RNLS: variants seen among roughly 807,000 people sequenced by gnomAD.
RNLS encodes the protein renalase, FAD dependent amine oxidase.
Under a neutral mutation model 39.8 loss-of-function variants are expected in RNLS, and 39 were observed. The ratio of observed to expected loss-of-function variants is 0.98; its 90% confidence interval spans 0.76 to 1.28. The LOEUF (loss-of-function observed/expected upper bound fraction) is 1.28, where lower values mean the gene tolerates loss of function less well. Among genes scored for constraint, RNLS ranks in the 50% most tolerant of loss-of-function variants. The pLI is 0.00. For missense variants in RNLS, 410 were observed against 413.3 expected (o/e 0.99, Z 0.07); for synonymous variants, 147 against 150.7 (o/e 0.98, Z 0.18).
chr10:88,175,282 T>G, the RNLS span, among the ~76,000 whole-genome samples: 1 of 152,086 alleles, frequency 6.6e-6, no homozygotes, highest in African/African-American at 2.4e-5. Context: ...TCCTTCTTTT[T>G]CCCAATTTGG....
chr10:88,243,950 C>T, the RNLS span, among the ~76,000 whole-genome samples: 1 of 152,206 alleles, frequency 6.6e-6, no homozygotes, highest in Non-Finnish European at 1.5e-5. Context: ...TGCGTTTGGC[C>T]TGGCCAGCTG....
intron 4 of RNLS, among the ~76,000 whole-genome samples, chr10:88,398,458 A>G (rs1434745902): frequency 6.6e-6 from 1 of 152,028 alleles, no homozygotes; most frequent in Non-Finnish European, 1.5e-5. Context: ...TTGGGTGATT[A>G]GCATTTGAAA....
intron 4 of RNLS, among the ~76,000 whole-genome samples, chr10:88,524,960 C>CAT (rs772272529): frequency 0.028 from 2,442 of 88,344 alleles, 43 homozygotes; most frequent in South Asian, 0.04. Context: ...CACACACATA[C>CAT]ATATATATAT....
chr10:88,216,205 A>T, the RNLS span, among the ~76,000 whole-genome samples: 1 of 152,196 alleles, frequency 6.6e-6, no homozygotes, highest in African/African-American at 2.4e-5. Context: ...TGCATTAATA[A>T]TAGGCTCCAA....
At chr10:88,355,280 G>A (rs541271084) in intron 5 of RNLS, among the ~76,000 whole-genome samples, 81 of 152,314 alleles carry the variant, frequency 5.3e-4, no homozygotes, top group African/African-American at 1.6e-3. Context: ...TTTGGAGGAG[G>A]AGAGGCGCTC....
chr10:88,314,597 G>T lies in RNLS; in HGVS notation c.745C>A (p.Pro249Thr). Residue 249 changes from proline (P) to threonine (T), a missense_variant, in exon 6 of 7, where the codon CCA becomes ACA. Pro to Thr is a conservative substitution (Grantham distance 38, BLOSUM62 -1). Coordinates refer to ENST00000331772, the MANE Select transcript of RNLS (RefSeq NM_001031709.3). ...TGTTCCAAGTATGTAACTCCAAATG[G>T]GACAGTGGTGTGAATCACGAGGGAA... ...GPSLVIHTTV[P>T]FGVTYLEHSI... The T allele has an allele frequency of 1.2e-6, 2 of 1,613,808 alleles. No individual in the cohort carries two copies. Among genetic ancestry groups the T allele is most frequent in the Non-Finnish European group, 1.7e-6 (2 of 1,179,816 alleles).
intron 4 of RNLS, among the ~76,000 whole-genome samples, chr10:88,522,860 G>A (rs1412600634): frequency 6.6e-6 from 1 of 152,134 alleles, no homozygotes; most frequent in African/African-American, 2.4e-5. Flanking sequence ...CTGTATCACT[G>A]TAAGCAGGAC....
chr10:88,396,485 T>G (rs190462246), intron 4 of RNLS, among the ~76,000 whole-genome samples: 8 of 151,220 alleles, frequency 5.3e-5, no homozygotes, highest in Non-Finnish European at 1.2e-4. Flanking sequence ...ATATTAGTAT[T>G]AATAATATAA....
intron 5 of RNLS, among the ~76,000 whole-genome samples, chr10:88,318,354 G>A (rs140627162): frequency 3.3e-5 from 5 of 152,318 alleles, no homozygotes; most frequent in African/African-American, 9.6e-5. Flanking sequence ...GGCACCAATC[G>A]GTGAAGGGGG....
At chr10:88,481,244 C>T (rs1343820965) in intron 4 of RNLS, among the ~76,000 whole-genome samples, 4 of 152,108 alleles carry the variant, frequency 2.6e-5, no homozygotes, top group Non-Finnish European at 4.4e-5. Context: ...TTGGTTAGAT[C>T]TTGCTTTTTA....
intron 4 of RNLS, among the ~76,000 whole-genome samples, chr10:88,403,835 G>A (rs969694322): frequency 6.6e-6 from 1 of 151,678 alleles, no homozygotes; most frequent in Non-Finnish European, 1.5e-5. Context: ...AGGAGTTTGA[G>A]ACCATCCTGG....
At chr10:88,216,826 C>T in the RNLS span, among the ~76,000 whole-genome samples, 1 of 152,222 alleles carries the variant, frequency 6.6e-6, no homozygotes, top group South Asian at 2.1e-4. Flanking sequence ...CTCCACAACT[C>T]AATGTCTTTA....
chr10:88,433,178 TAGA>T (rs1855240289), intron 4 of RNLS, among the ~76,000 whole-genome samples: 4 of 152,160 alleles, frequency 2.6e-5, no homozygotes, highest in Admixed American at 6.6e-5. Flanking sequence ...TGACTTGAGG[TAGA>T]AGGACAGAAC....
intron 5 of RNLS, among the ~76,000 whole-genome samples, chr10:88,359,333 A>T (rs1404187482): frequency 6.6e-6 from 1 of 151,522 alleles, no homozygotes; most frequent in African/African-American, 2.4e-5. Context: ...AAACAAAAAA[A>T]CTCTTACTGT....
intron 4 of RNLS, among the ~76,000 whole-genome samples, chr10:88,527,875 T>C (rs1847199006): frequency 6.7e-6 from 1 of 149,972 alleles, no homozygotes; most frequent in Admixed American, 6.6e-5. Flanking sequence ...GAAAAAAGTT[T>C]GTTATCCTCA....
At chr10:88,246,608 T>G in the RNLS span, among the ~76,000 whole-genome samples, 1,292 of 152,240 alleles carry the variant, frequency 8.5e-3, 19 homozygotes, top group African/African-American at 0.028. Context: ...TTATCATGTT[T>G]ATATAAATCC....
intron 4 of RNLS, among the ~76,000 whole-genome samples, chr10:88,425,011 AT>A (rs1854649993): frequency 6.6e-6 from 1 of 152,104 alleles, no homozygotes; most frequent in African/African-American, 2.4e-5. Context: ...ACTGCTTTGG[AT>A]TTGGTAGCTC....
intron 4 of RNLS, among the ~76,000 whole-genome samples, chr10:88,365,892 T>G (rs1411282082): frequency 6.6e-6 from 1 of 152,092 alleles, no homozygotes; most frequent in Non-Finnish European, 1.5e-5. Context: ...ATAATTTTAT[T>G]CTCTTAGTTT....
intron 4 of RNLS, among the ~76,000 whole-genome samples, chr10:88,550,113 T>C (rs887973641): frequency 6.6e-6 from 1 of 152,204 alleles, no homozygotes; most frequent in Non-Finnish European, 1.5e-5. Flanking sequence ...TCCAAATTTC[T>C]ACTATATTTC....
Sources: allele counts gnomAD v4.1 joint callset (sites outside exome capture counted in the v4.1 genomes callset), GRCh38; gene constraint gnomAD v4.1.1; transcripts MANE v1.5; gene names NCBI Gene and HGNC (gene_info 2026-07-23, HGNC 2026-07-21).